The following GNG7 variants were observed in gnomAD, a reference collection of about 807,000 sequenced individuals.
GNG7 encodes G protein subunit gamma 7, also known as guanine nucleotide-binding protein G(I)/G(S)/G(O) subunit gamma-7.
GNG7 carries 1 observed loss-of-function variant against 4.0 expected under a neutral mutation model. That is an observed-to-expected ratio of 0.25 (90% CI 0.09 to 1.18). The LOEUF is 1.18. Among genes scored for constraint, GNG7 ranks in the 50% most tolerant of loss-of-function variants. The pLI, the probability that GNG7 is intolerant of heterozygous loss-of-function variation, is 0.50. For synonymous variants in GNG7, 34 were observed against 36.9 expected (o/e 0.92, Z 0.29); for missense variants, 86 against 91.9 (o/e 0.94, Z 0.26).
intron 1 of GNG7, among the ~76,000 whole-genome samples, chr19:2,696,126 C>A: frequency 6.7e-6 from 1 of 149,198 alleles, no homozygotes; most frequent in Non-Finnish European, 1.5e-5. Context: ...CACTGCACTC[C>A]AGCCCGGGAG....
In GNG7 at chr19:2,521,958, T is replaced by C. The variant is rs113643920; in HGVS notation, c.-37-1233A>G. 4.1e-3 allele frequency among the ~76,000 whole-genome samples: 625 copies of C among 152,226 alleles called. 3 individuals are homozygous for C. Among genetic ancestry groups the C allele is most frequent in the African/African-American group, 0.014 (585 of 41,530 alleles). On this transcript the variant is annotated intron_variant, in intron 3 of 4. Transcript: ENST00000382159. ...AGTCAGGAGCCCATGCTGTTGCTTC[T>C]TGAATTCTCCTGGAAAAACCCAGGA...
chr19:2,549,024 C>G (rs569723530), intron 3 of GNG7, among the ~76,000 whole-genome samples: 1 of 152,228 alleles, frequency 6.6e-6, no homozygotes, highest in Non-Finnish European at 1.5e-5. Flanking sequence ...CTGCCACACA[C>G]CTTGAATCCT....
At chr19:2,580,868 G>A (rs1032611254) in intron 2 of GNG7, among the ~76,000 whole-genome samples, 6 of 151,998 alleles carry the variant, frequency 3.9e-5, no homozygotes, top group Middle Eastern at 3.4e-3. Context: ...AGGTTCAAGC[G>A]ATTCTCCTGC....
intron 2 of GNG7, among the ~76,000 whole-genome samples, chr19:2,564,920 G>A (rs952895327): frequency 4.6e-5 from 7 of 152,076 alleles, no homozygotes; most frequent in African/African-American, 1.7e-4. Context: ...GCCAGATGCG[G>A]TGGCTCATGC....
chr19:2,567,331 T>TGTGTGTGTGTGTGTGTGTGTGTGTGTGTG, intron 2 of GNG7, among the ~76,000 whole-genome samples: 1 of 137,252 alleles, frequency 7.3e-6, no homozygotes, highest in African/African-American at 3.0e-5. Context: ...TGTCGTCGAT[T>TGTGTGTGTGTGTGTGTGTGTGTGTGTGTG]TGTGTGTGTG....
intron 2 of GNG7, among the ~76,000 whole-genome samples, chr19:2,577,637 G>T (rs569343974): frequency 6.7e-6 from 1 of 149,496 alleles, no homozygotes; most frequent in Non-Finnish European, 1.5e-5. Context: ...GGAGGCGGAG[G>T]TTGCAGTGAG....
chr19:2,514,995 A>C lies in GNG7; in HGVS notation c.*27T>G. The C allele has an allele frequency of 1.9e-6, 3 of 1,582,166 alleles. No homozygotes were observed. The highest frequency in any genetic ancestry group is 2.2e-5 in the East Asian group (1 of 44,716). ...GAGAGAGAGAGAGAGAAAGAGAGAG[A>C]GAGAGAGAGAACATATGAGAACACA... On this transcript the variant is annotated 3_prime_UTR_variant, in exon 5 of 5. Coordinates refer to ENST00000382159, the MANE Select transcript of GNG7 (RefSeq NM_052847.3).
At position 2,513,800 on chromosome 19, in the gene GNG7, G is replaced by A. The variant is rs890976205; in HGVS notation, c.*1222C>T. 1.3e-5 allele frequency: 2 copies of A among 152,924 alleles called. No homozygotes were observed. Among genetic ancestry groups the A allele is most frequent in the African/African-American group, 4.8e-5 (2 of 41,432 alleles). 9.5% of individuals were successfully genotyped at this position (152,924 alleles called of 1,614,324 possible). ...CCACCCGCCCTGCCGCGGCTCCCCA[G>A]CCTGCATTTTCTGTTTGAAAAACGT... On this transcript the variant is annotated 3_prime_UTR_variant, in exon 5 of 5. Transcript: ENST00000382159.
chr19:2,571,712 C>T (rs768384792), intron 2 of GNG7, among the ~76,000 whole-genome samples: 1 of 150,370 alleles, frequency 6.7e-6, no homozygotes, highest in Non-Finnish European at 1.5e-5. Context: ...CCTCCTGCCT[C>T]ACCCTTCTGA....
In GNG7 at chr19:2,644,371, A is replaced by C. The variant is rs1467834899; in HGVS notation, c.-78+1853T>G. On this transcript the variant is annotated intron_variant, in intron 2 of 4. Transcript: ENST00000382159. The stretch of plus-strand genomic sequence containing the variant: ...TATATATATATATATATATATATAT[A>C]TATATATATAATGCTCTATCTATAC... 3.1e-5 allele frequency among the ~76,000 whole-genome samples: 4 copies of C among 126,992 alleles called. No homozygotes were observed. The South Asian group carries it at 9.7e-4, about 31-fold the overall frequency. The allele number at this position is 126,992 out of a possible 152,430, so 83.3% of individuals were successfully genotyped here. A position where few individuals can be genotyped will look rare whatever the true frequency, so the allele number is the denominator to read the frequency against.
At chr19:2,684,846 G>C (rs1313966258) in intron 1 of GNG7, among the ~76,000 whole-genome samples, 1 of 147,526 alleles carries the variant, frequency 6.8e-6, no homozygotes, top group South Asian at 2.2e-4. Context: ...AAAATTGGAC[G>C]GGCGCAGTGG....
At chr19:2,661,290 GAAA>G (rs1379487938) in intron 1 of GNG7, among the ~76,000 whole-genome samples, 7,638 of 47,462 alleles carry the variant, frequency 0.16, 618 homozygotes, top group East Asian at 0.28. Context: ...AAGAAAGAAA[GAAA>G]GAAAGAAAGA....
chr19:2,652,479 C>T (rs922982834), intron 1 of GNG7, among the ~76,000 whole-genome samples: 11 of 151,712 alleles, frequency 7.3e-5, no homozygotes, highest in African/African-American at 1.7e-4. Context: ...ATTAGCCGGG[C>T]GTGGTGGTGC....
intron 2 of GNG7, among the ~76,000 whole-genome samples, chr19:2,621,185 G>A (rs1156981998): frequency 6.6e-6 from 1 of 152,098 alleles, no homozygotes; most frequent in Non-Finnish European, 1.5e-5. Context: ...TTGTCCACGG[G>A]GAACCTCGGA....
Position 2,546,632 on chromosome 19 carries a change from T to TCC in GNG7, c.-38+8515_-38+8516dup, listed in dbSNP as rs1360040259. The stretch of plus-strand genomic sequence containing the variant: ...GTGAAAAATAGACCAGCGGGGCAGG[T>TCC]CCCGCCGCTGCCTTCAGCCGGAGCT... On this transcript the variant is annotated intron_variant, in intron 3 of 4. Coordinates refer to ENST00000382159, the MANE Select transcript of GNG7 (RefSeq NM_052847.3). The surrounding 1 kb of genome is among the most constrained non-coding windows in gnomAD (Gnocchi z 6.3). 1.3e-5 allele frequency among the ~76,000 whole-genome samples: 2 copies of TCC among 151,998 alleles called. No homozygotes were observed. The highest frequency in any genetic ancestry group is 3.9e-4 in the East Asian group (2 of 5,158).
chr19:2,686,860 C>T lies in GNG7; in HGVS notation c.-135+15786G>A, dbSNP rs563131989. Among the ~76,000 whole-genome samples the T allele has an allele frequency of 5.9e-5, 9 of 151,422 alleles. No individual in the cohort carries two copies. The South Asian group carries it at 1.5e-3, about 25-fold the overall frequency. Reference sequence around the variant, plus strand: ...TCTGCCTCCCAGGTTCACACCATTCCCCTGCCTCAGCCTCCTGAGTAGCTG... The same window carrying T: ...TCTGCCTCCCAGGTTCACACCATTCTCCTGCCTCAGCCTCCTGAGTAGCTG... On this transcript the variant is annotated intron_variant, in intron 1 of 4. Transcript: ENST00000382159.
At chr19:2,630,608 T>C (rs957656640) in intron 2 of GNG7, 1 of 151,906 alleles carries the variant, frequency 6.6e-6, no homozygotes, top group Non-Finnish European at 1.5e-5. Context: ...AAACAGTCTA[T>C]CAACCACAAA....
chr19:2,521,522 G>A (rs1978308401), intron 3 of GNG7, among the ~76,000 whole-genome samples: 2 of 151,858 alleles, frequency 1.3e-5, no homozygotes, highest in East Asian at 3.9e-4. Flanking sequence ...CGCCAGGGAA[G>A]GATCCGAACG....
At chr19:2,686,915 C>T (rs1027992521) in intron 1 of GNG7, among the ~76,000 whole-genome samples, 4 of 151,924 alleles carry the variant, frequency 2.6e-5, no homozygotes, top group African/African-American at 9.7e-5. Flanking sequence ...CCACATCCAG[C>T]TAACTTTTTG....
Sources: gnomAD v4.1 joint callset for allele counts (sites outside exome capture counted in the v4.1 genomes callset) on GRCh38, gnomAD v4.1.1 for gene constraint, Gnocchi (gnomAD v3.1) non-coding constraint, MANE v1.5 for transcripts, NCBI Gene and HGNC (gene_info 2026-07-23, HGNC 2026-07-21) for gene names.